GLT6D1: variants seen among roughly 807,000 people sequenced by gnomAD.
GLT6D1 encodes the protein putative glycosyltransferase 6 domain-containing protein 1.
Under a neutral mutation model 12.3 loss-of-function variants are expected in GLT6D1, and 9 were observed. The observed-to-expected ratio is 0.73, with a 90% CI of 0.44 to 1.27. The LOEUF is 1.27. GLT6D1 is among the 50% of genes most tolerant of loss of function. The probability of loss-of-function intolerance (pLI) is 0.00; values close to 1 mark genes in which losing one functional copy is unlikely to be tolerated. For missense variants in GLT6D1, 335 were observed against 346.2 expected, an observed-to-expected ratio of 0.97 and a Z score of 0.26; for synonymous variants, 128 against 132.3, an observed-to-expected ratio of 0.97 and a Z score of 0.23.
intron 2 of GLT6D1, among the ~76,000 whole-genome samples, chr9:135,632,448 T>C (rs993679320): frequency 1.3e-5 from 2 of 152,300 alleles, no homozygotes; most frequent in African/African-American, 4.8e-5. Flanking sequence ...CATTCCATGA[T>C]TGGATTCCCC....
At chr9:135,636,497 A>G (rs750468422) in intron 2 of GLT6D1, among the ~76,000 whole-genome samples, 41 of 152,112 alleles carry the variant, frequency 2.7e-4, no homozygotes, top group Non-Finnish European at 4.6e-4. Context: ...TTCCTAGGAT[A>G]CCTCGAACCT....
chr9:135,631,319 T>G (rs777169381), intron 3 of GLT6D1, 112 bp downstream of exon 3: 1 of 840,876 alleles, frequency 1.2e-6, no homozygotes, highest in Non-Finnish European at 2.1e-6. Context: ...AAACTCCAAT[T>G]CTGGAAACGT....
intron 2 of GLT6D1, among the ~76,000 whole-genome samples, chr9:135,631,951 C>G (rs1240722071): frequency 6.6e-6 from 1 of 152,146 alleles, no homozygotes; most frequent in Non-Finnish European, 1.5e-5. Context: ...TAGCTCACTG[C>G]AGCCTCAAAC....
At position 135,624,683 on chromosome 9, in the gene GLT6D1, CAG is replaced by C. The variant is rs1477719208; in HGVS notation, c.258-15_258-14del. 5 of 1,392,532 alleles carry C rather than the reference CAG, an allele frequency of 3.6e-6. No individual in the cohort carries two copies. The highest frequency in any genetic ancestry group is 5.0e-5 in the East Asian group (2 of 39,900). The allele number at this position is 1,392,532 out of a possible 1,614,324, so 86.3% of individuals were successfully genotyped here. On this transcript the variant is annotated splice_polypyrimidine_tract_variant and intron_variant, in intron 4 of 4. Coordinates refer to ENST00000371763, the MANE Select transcript of GLT6D1 (RefSeq NM_182974.3). ...CTCCTCTGCAAACCTAGGAAACACA[CAG>C]TGGGGAAGAAACTTACTTTTCTCTT...
In GLT6D1 at chr9:135,628,926, T is replaced by C. The variant is rs79934734; in HGVS notation, c.119+2505A>G. Among the ~76,000 whole-genome samples the C allele has an allele frequency of 9.9e-3, 1,513 of 152,226 alleles. 10 individuals carry two copies. Among genetic ancestry groups the C allele is most frequent in the Non-Finnish European group, 0.017 (1,149 of 67,932 alleles). On this transcript the variant is annotated intron_variant, in intron 3 of 4. Transcript: ENST00000371763. ...ATGTCCCCTCTTTCACTCCTGATTC[T>C]AGTAATTTCAGTTCTCCCTTTTTAG...
intron 2 of GLT6D1, among the ~76,000 whole-genome samples, chr9:135,638,708 T>C (rs1056256526): frequency 2.6e-5 from 4 of 152,228 alleles, no homozygotes; most frequent in Non-Finnish European, 5.9e-5. Flanking sequence ...TAAATAATTG[T>C]TGAATGTTTA....
At position 135,623,872 on chromosome 9, in the gene GLT6D1, CAAG is replaced by C; in HGVS notation, c.*222_*224del. 2.1e-6 allele frequency: 1 copy of C among 469,430 alleles called. No individual in the cohort carries two copies. The highest frequency in any genetic ancestry group is 3.7e-5 in the East Asian group (1 of 26,946). 29.1% of individuals were successfully genotyped at this position (469,430 alleles called of 1,614,324 possible). A position where few individuals can be genotyped will look rare whatever the true frequency, so the allele number is the denominator to read the frequency against. On this transcript the variant is annotated 3_prime_UTR_variant, in exon 5 of 5. Coordinates refer to ENST00000371763, the MANE Select transcript of GLT6D1 (RefSeq NM_182974.3). Reference sequence around the variant, plus strand: ...AGCCAAATAAGATGGCTCAAAATGGCAAGAAGAAACATTTATTTGGGAAGGATG... The same window carrying C: ...AGCCAAATAAGATGGCTCAAAATGGCAAGAAACATTTATTTGGGAAGGATG...
upstream of GLT6D1, among the ~76,000 whole-genome samples, chr9:135,640,718 TAAA>T (rs879453196): frequency 2.2e-5 from 3 of 139,414 alleles, no homozygotes; most frequent in Non-Finnish European, 4.7e-5. Flanking sequence ...AGACTCCATC[TAAA>T]AAAAAAAAGA....
At chr9:135,629,870 CTT>C (rs1361395980) in intron 3 of GLT6D1, among the ~76,000 whole-genome samples, 1 of 151,656 alleles carries the variant, frequency 6.6e-6, no homozygotes, top group African/African-American at 2.4e-5. Flanking sequence ...CAATTTTTGT[CTT>C]TGTCTATTTT....
intron 3 of GLT6D1, among the ~76,000 whole-genome samples, chr9:135,629,726 C>T (rs1437517860): frequency 6.6e-6 from 1 of 152,130 alleles, no homozygotes; most frequent in Non-Finnish European, 1.5e-5. Context: ...CAATTTCTCC[C>T]TTCAATTCTG....
chr9:135,633,781 GA>G (rs951107291), intron 2 of GLT6D1, among the ~76,000 whole-genome samples: 52 of 148,782 alleles, frequency 3.5e-4, no homozygotes, highest in South Asian at 3.0e-3. Context: ...TTAAATAAAT[GA>G]AAAAAAAATC....
rs777803226 is a variant in GLT6D1, at chr9:135,624,527, G to A, written c.401C>T (p.Ala134Val). Reference protein sequence around the residue: ...IEPSPLRTFKAFKVGTERWWL... With the variant: ...IEPSPLRTFKVFKVGTERWWL... Reference sequence around the variant, plus strand: ...CCACCTCTCGGTGCCCACTTTAAATGCTTTGAACGTTCGAAGAGGACTGGG... The same window carrying A: ...CCACCTCTCGGTGCCCACTTTAAATACTTTGAACGTTCGAAGAGGACTGGG... Residue 134 changes from alanine (A) to valine (V), a missense_variant, in exon 5 of 5, where the codon GCA becomes GTA. Physicochemically the swap from Ala to Val is moderately conservative, Grantham distance 64. Transcript: ENST00000371763. 3 of 1,613,902 alleles carry A rather than the reference G, an allele frequency of 1.9e-6. No individual in the cohort carries two copies. In the African/African-American group the frequency reaches 4.0e-5, roughly 22 times the overall value.
chr9:135,631,193 A>G (rs977385330), intron 3 of GLT6D1, among the ~76,000 whole-genome samples: 5 of 152,226 alleles, frequency 3.3e-5, no homozygotes, highest in African/African-American at 1.2e-4. Flanking sequence ...ACTTTCTCGC[A>G]CTGCATAAAC....
intron 2 of GLT6D1, 23 bp from the exon 3 acceptor site, chr9:135,631,501 G>A (rs1833646842): frequency 3.2e-6 from 5 of 1,568,836 alleles, no homozygotes; most frequent in African/African-American, 2.7e-5. Context: ...AGAAAATCAA[G>A]TGATTGCAAG....
At chr9:135,626,508 A>T (rs1206224990) in intron 3 of GLT6D1, among the ~76,000 whole-genome samples, 1 of 152,134 alleles carries the variant, frequency 6.6e-6, no homozygotes, top group Non-Finnish European at 1.5e-5. Flanking sequence ...TCCCCCAGCC[A>T]CTGCCTTTGA....
At chr9:135,632,701 T>C (rs1223503455) in intron 2 of GLT6D1, among the ~76,000 whole-genome samples, 5 of 149,102 alleles carry the variant, frequency 3.4e-5, no homozygotes, top group African/African-American at 5.0e-5. Flanking sequence ...AGAGTCTTGC[T>C]CTGTAGCCCA....
intron 2 of GLT6D1, among the ~76,000 whole-genome samples, chr9:135,635,770 C>T (rs1017345170): frequency 5.9e-5 from 9 of 152,180 alleles, no homozygotes; most frequent in Non-Finnish European, 1.2e-4. Flanking sequence ...CACGTTGACA[C>T]GTAAATGTCT....
chr9:135,626,870 TGAATG>T (rs1375692468), intron 3 of GLT6D1, among the ~76,000 whole-genome samples: 2 of 152,190 alleles, frequency 1.3e-5, no homozygotes, highest in African/African-American at 2.4e-5. Context: ...TGAAAATCAA[TGAATG>T]TAAACCACCA....
At chr9:135,634,946 T>G (rs771876076) in intron 2 of GLT6D1, among the ~76,000 whole-genome samples, 1 of 152,228 alleles carries the variant, frequency 6.6e-6, no homozygotes, top group African/African-American at 2.4e-5. Flanking sequence ...GTTTTCTTTA[T>G]AAGAAAGCGC....
Sources: allele counts gnomAD v4.1 joint callset (sites outside exome capture counted in the v4.1 genomes callset), GRCh38; gene constraint gnomAD v4.1.1; transcripts MANE v1.5; gene names NCBI Gene and HGNC (gene_info 2026-07-23, HGNC 2026-07-21).